Variants in AFM observed in about 807,000 individuals in gnomAD.
AFM encodes the protein afamin.
In AFM, 82 loss-of-function variants were observed where a neutral mutation model predicts 68.7. The observed-to-expected ratio is 1.19, with a 90% CI of 1.00 to 1.43. AFM has a LOEUF of 1.43. AFM is among the 40% of genes most tolerant of loss of function. AFM has a pLI of 0.00. For missense variants in AFM, 772 were observed against 701.8 expected, an observed-to-expected ratio of 1.10 and a Z score of -1.13; for synonymous variants, 250 against 234.2, an observed-to-expected ratio of 1.07 and a Z score of -0.61.
At chr4:73,485,679 T>G (rs1159129290) in intron 3 of AFM, among the ~76,000 whole-genome samples, 183 bp from the exon 4 acceptor site, 212 of 43,086 alleles carry the variant, frequency 4.9e-3, no homozygotes, top group South Asian at 5.6e-3. Flanking sequence ...GAGGAGGAGG[T>G]GGAAGAGAAG....
chr4:73,501,203 A>G (rs545782449), intron 12 of AFM, among the ~76,000 whole-genome samples: 1 of 145,918 alleles, frequency 6.9e-6, no homozygotes, highest in African/African-American at 2.8e-5. Context: ...GGCTGTTGTC[A>G]CACTTAATTG....
Position 73,486,981 on chromosome 4 carries a change from T to C in AFM, c.497T>C (p.Val166Ala). ...ESLLNHFLYE[V>A]ARRNPFVFAP... ...ATTTTTTATAGCTTTTTATATGAAGTTGCCAGAAGGAACCCATTTGTCTTC... is the reference window on the plus strand; with the variant it reads ...ATTTTTTATAGCTTTTTATATGAAGCTGCCAGAAGGAACCCATTTGTCTTC... Residue 166 changes from valine to alanine, a missense_variant, in exon 5 of 15, where the codon GTT (valine) becomes GCT (alanine). By Grantham distance (64) the Val-to-Ala change is moderately conservative. Coordinates refer to ENST00000226355, the MANE Select transcript of AFM (RefSeq NM_001133.2). 1 of 1,613,054 alleles carries C rather than the reference T, an allele frequency of 6.2e-7. No homozygotes were observed. Among genetic ancestry groups the C allele is most frequent in the Non-Finnish European group, 8.5e-7 (1 of 1,179,520 alleles).
chr4:73,501,405 C>A (rs1284520783), intron 12 of AFM, among the ~76,000 whole-genome samples: 3 of 152,050 alleles, frequency 2.0e-5, no homozygotes, highest in Non-Finnish European at 4.4e-5. Context: ...CAATTCTCCT[C>A]TTCTAGCTAT....
At chr4:73,487,964 C>A in intron 6 of AFM, 143 bp downstream of exon 6, 1 of 559,552 alleles carries the variant, frequency 1.8e-6, no homozygotes, top group Non-Finnish European at 3.2e-6. Flanking sequence ...TTAGACAGCT[C>A]AGGACCAGGA....
chr4:73,488,532 A>C (rs1720975016), intron 6 of AFM, 98 bp from the exon 7 acceptor site: 1 of 1,064,270 alleles, frequency 9.4e-7, no homozygotes, highest in Admixed American at 2.6e-5. Context: ...AATGGTGGCA[A>C]TACTTTTTGT....
At position 73,503,113 on chromosome 4, in the gene AFM, A is replaced by G; in HGVS notation, c.*40+3A>G. 6.2e-7 allele frequency: 1 copy of G among 1,604,058 alleles called. No individual in the cohort carries two copies. The highest frequency in any genetic ancestry group is 1.3e-5 in the African/African-American group (1 of 74,798). ...ATGTAAAGAAAAAAGCACCAAAGGT[A>G]ATACCCTCTGCCTCATTCAAATGTC... On this transcript the variant is annotated splice_donor_region_variant and intron_variant, in intron 14 of 14. Coordinates refer to ENST00000226355, the MANE Select transcript of AFM (RefSeq NM_001133.2).
rs149533737 is a variant in AFM at position 73,497,474 on chromosome 4, A to T, written c.1192-178A>T. 2.6e-4 allele frequency among the ~76,000 whole-genome samples: 39 copies of T among 152,340 alleles called. 2 individuals carry two copies. The East Asian group carries it at 2.9e-3, about 11-fold the overall frequency. On this transcript the variant is annotated intron_variant, in intron 9 of 14. Coordinates refer to ENST00000226355, the MANE Select transcript of AFM (RefSeq NM_001133.2). The stretch of plus-strand genomic sequence containing the variant: ...AATTTAGCAAGAAATATATTTTTAT[A>T]TACATAATTAAAAAATTAAGTTCTT...
Position 73,484,293 on chromosome 4 carries a change from C to A in AFM, c.173C>A (p.Ala58Glu). The change falls in exon 3 of 15, where the codon GCA (alanine) becomes GAA (glutamate). Residue 58 changes from alanine (A) to glutamate (E), a missense_variant. Transcript: ENST00000226355. ...IIAFAQYVQE[A>E]TFEEMEKLVK... ...GCATTTGCTCAGTATGTTCAGGAAGCAACCTTTGAAGAAATGGAAAAGCTG... is the reference window on the plus strand; with the variant it reads ...GCATTTGCTCAGTATGTTCAGGAAGAAACCTTTGAAGAAATGGAAAAGCTG... 1.9e-6 allele frequency: 3 copies of A among 1,613,232 alleles called. No individual in the cohort carries two copies. Among genetic ancestry groups the A allele is most frequent in the Non-Finnish European group, 2.5e-6 (3 of 1,179,714 alleles).
intron 10 of AFM, among the ~76,000 whole-genome samples, chr4:73,498,529 C>A (rs1392893990): frequency 1.3e-5 from 2 of 152,136 alleles, no homozygotes; most frequent in African/African-American, 2.4e-5. Flanking sequence ...TCAAGCAATC[C>A]AACCCTTCGG....
intron 5 of AFM, 46 bp from the exon 6 acceptor site, chr4:73,487,676 AGT>A: frequency 8.0e-7 from 1 of 1,246,064 alleles, no homozygotes; most frequent in Non-Finnish European, 1.2e-6. Flanking sequence ...ATAAGAGAAT[AGT>A]GAGATTTTGC....
At chr4:73,485,615 G>GAAGAGC (rs1720873510) in intron 3 of AFM, among the ~76,000 whole-genome samples, 1 of 145,142 alleles carries the variant, frequency 6.9e-6, no homozygotes, top group Non-Finnish European at 1.5e-5. Flanking sequence ...AGAGGAAGAG[G>GAAGAGC]AAGAAGAAGA....
In AFM at chr4:73,484,366, G is replaced by A. The variant is rs140621266; in HGVS notation, c.246G>A (p.Thr82=). Residue 82 remains threonine, a synonymous_variant, in exon 3 of 15, where the codon ACG becomes ACA. Coordinates refer to ENST00000226355, the MANE Select transcript of AFM (RefSeq NM_001133.2). ...AAGACAGATGTATGGCTGACAAGACGCTCCCAGAGTGTTCAAAATTACCTG... is the reference window on the plus strand; with the variant it reads ...AAGACAGATGTATGGCTGACAAGACACTCCCAGAGTGTTCAAAATTACCTG... ...EYKDRCMADK[T]LPECSKLPNN... 1.3e-4 allele frequency: 214 copies of A among 1,597,756 alleles called. 1 individual carries two copies. The highest frequency in any genetic ancestry group is 4.0e-5 in the Non-Finnish European group (47 of 1,174,342).
In AFM at chr4:73,503,044, C is replaced by A; in HGVS notation, c.1780-6C>A. 1.2e-6 allele frequency: 2 copies of A among 1,613,002 alleles called. No individual in the cohort carries two copies. The highest frequency in any genetic ancestry group is 1.1e-5 in the South Asian group (1 of 91,036). ...TATGTGTTTTTATTTCCATCCCTCA[C>A]CTCAGAGTCCAAAAATTGGCAACTG... On this transcript the variant is annotated splice_region_variant and splice_polypyrimidine_tract_variant and intron_variant, in intron 13 of 14. Coordinates refer to ENST00000226355, the MANE Select transcript of AFM (RefSeq NM_001133.2).
chr4:73,491,904 A>G lies in AFM; in HGVS notation c.876A>G (p.Gln292=). The part of the protein sequence containing the change: ...SKVMNHICSK[Q]DSISSKIKEC... ...TTATGAACCATATTTGTTCAAAACA[A>G]GATTCTATCTCCAGCAAAATCAAAG... The change falls in exon 8 of 15, where the codon CAA becomes CAG. Residue 292 remains glutamine (Q), a synonymous_variant. Transcript: ENST00000226355. 1 of 1,613,978 alleles carries G rather than the reference A, an allele frequency of 6.2e-7. No homozygotes were observed.
intron 12 of AFM, among the ~76,000 whole-genome samples, 182 bp downstream of exon 12, chr4:73,500,409 A>G (rs1423704842): frequency 6.6e-6 from 1 of 151,418 alleles, no homozygotes; most frequent in African/African-American, 2.4e-5. Flanking sequence ...CATTGTTTAT[A>G]TCTAGCTTGT....
intron 8 of AFM, among the ~76,000 whole-genome samples, chr4:73,492,601 T>C (rs1489076451): frequency 6.7e-6 from 1 of 150,228 alleles, no homozygotes; most frequent in African/African-American, 2.5e-5. Context: ...GTTGAGTTGC[T>C]GGGACAAGTT....
chr4:73,483,955 A>C lies in AFM; in HGVS notation c.103A>C (p.Thr35Pro). The C allele has an allele frequency of 6.5e-7, 1 of 1,530,496 alleles. No individual in the cohort carries two copies. Among genetic ancestry groups the C allele is most frequent in the Non-Finnish European group, 8.9e-7 (1 of 1,119,376 alleles). 94.8% of individuals were successfully genotyped at this position (1,530,496 alleles called of 1,614,324 possible). ...QPRDIENFNSTQKFIEDNIEY... is the reference protein window; with the variant it reads ...QPRDIENFNSPQKFIEDNIEY... ...TTGCTTTTCAGAGAACTTCAATAGT[A>C]CTCAAAAATTTATAGAAGATAATAT... The change falls in exon 2 of 15, where the codon ACT (threonine) becomes CCT (proline). Residue 35 changes from threonine (T) to proline (P), a missense_variant. Thr to Pro is a conservative substitution (Grantham distance 38). Coordinates refer to ENST00000226355, the MANE Select transcript of AFM (RefSeq NM_001133.2).
Position 73,501,762 on chromosome 4 carries a change from T to G in AFM, c.1647-25T>G, listed in dbSNP as rs16849510. 5.7e-3 allele frequency: 9,083 copies of G among 1,602,474 alleles called. 452 individuals are homozygous for G. In the African/African-American group the frequency reaches 0.11, roughly 19 times the overall value. On this transcript the variant is annotated intron_variant, in intron 12 of 14. Transcript: ENST00000226355. ...CTTCAGAAAGAAAGCGTTAATTAAT[T>G]TTATTTGACATCTTTTGGCCACAGG... is the stretch of plus-strand genomic sequence containing the variant.
intron 6 of AFM, among the ~76,000 whole-genome samples, chr4:73,488,133 C>T (rs1432192875): frequency 1.3e-5 from 2 of 152,132 alleles, no homozygotes; most frequent in Non-Finnish European, 2.9e-5. Flanking sequence ...ATAATTCATC[C>T]ATTGGTCTTT....
Sources: gnomAD v4.1 joint callset for allele counts (sites outside exome capture counted in the v4.1 genomes callset) on GRCh38, gnomAD v4.1.1 for gene constraint, MANE v1.5 for transcripts, NCBI Gene and HGNC (gene_info 2026-07-23, HGNC 2026-07-21) for gene names.